PPM1E: variants seen among roughly 807,000 people sequenced by gnomAD.
PPM1E encodes the protein protein phosphatase 1E.
In PPM1E, 20 loss-of-function variants were observed where a neutral mutation model predicts 65.9. That is an observed-to-expected ratio of 0.30 (90% CI 0.21 to 0.44). The LOEUF (loss-of-function observed/expected upper bound fraction) is 0.44. Ranked by LOEUF, PPM1E falls within the 20% of genes least tolerant of loss-of-function variation. The pLI, the probability that PPM1E is intolerant of heterozygous loss-of-function variation, is 1.00. For synonymous variants in PPM1E, 352 were observed against 374.9 expected, an observed-to-expected ratio of 0.94 and a Z score of 0.70; for missense variants, 713 against 953.1, an observed-to-expected ratio of 0.75 and a Z score of 3.32.
At chr17:58,842,493 A>C (rs542298654) in intron 1 of PPM1E, among the ~76,000 whole-genome samples, 1 of 152,290 alleles carries the variant, frequency 6.6e-6, no homozygotes, top group Admixed American at 6.5e-5. Context: ...ATGCTACACT[A>C]TCTACTCAAT....
At chr17:58,938,733 A>G (rs970996314) in intron 1 of PPM1E, among the ~76,000 whole-genome samples, 10 of 152,074 alleles carry the variant, frequency 6.6e-5, no homozygotes, top group African/African-American at 2.4e-4. Flanking sequence ...TATCTAGAGC[A>G]TAAGAAATGA....
At chr17:58,860,086 G>A (rs1339455676) in intron 1 of PPM1E, among the ~76,000 whole-genome samples, 1 of 152,158 alleles carries the variant, frequency 6.6e-6, no homozygotes, top group African/African-American at 2.4e-5. Flanking sequence ...ATTGGTTAGG[G>A]TCTCTACATG....
At chr17:58,819,781 A>G (rs1444283833) in intron 1 of PPM1E, among the ~76,000 whole-genome samples, 1 of 152,098 alleles carries the variant, frequency 6.6e-6, no homozygotes, top group East Asian at 1.9e-4. Context: ...TCATACCTGT[A>G]ATCGCAGCAC....
intron 1 of PPM1E, among the ~76,000 whole-genome samples, chr17:58,763,150 A>T (rs1320220818): frequency 5.9e-5 from 9 of 152,118 alleles, no homozygotes; most frequent in Non-Finnish European, 1.3e-4. Context: ...AAGGCTTAAC[A>T]TAATGTTAGT....
intron 1 of PPM1E, among the ~76,000 whole-genome samples, chr17:58,886,226 A>G (rs1242886115): frequency 6.6e-6 from 1 of 152,222 alleles, no homozygotes; most frequent in African/African-American, 2.4e-5. Flanking sequence ...AGAGAAATAC[A>G]TATGCTTGAT....
At chr17:58,879,741 C>G (rs1299189482) in intron 1 of PPM1E, among the ~76,000 whole-genome samples, 1 of 151,986 alleles carries the variant, frequency 6.6e-6, no homozygotes, top group Non-Finnish European at 1.5e-5. Context: ...AATCTCCTGA[C>G]CTCGTGATCC....
chr17:58,827,911 A>AAAAAAATAAT (rs777546701), intron 1 of PPM1E, among the ~76,000 whole-genome samples: 1 of 144,686 alleles, frequency 6.9e-6, no homozygotes, highest in Non-Finnish European at 1.5e-5. Flanking sequence ...CAAAAAAAAA[A>AAAAAAATAAT]AATAATAATA....
intron 1 of PPM1E, among the ~76,000 whole-genome samples, chr17:58,896,149 C>T: frequency 6.6e-6 from 1 of 150,844 alleles, no homozygotes; most frequent in Non-Finnish European, 1.5e-5. Flanking sequence ...AAAAGCGAAA[C>T]AGCCTTATTG....
At chr17:58,832,176 A>G (rs563546802) in intron 1 of PPM1E, among the ~76,000 whole-genome samples, 22 of 152,282 alleles carry the variant, frequency 1.4e-4, no homozygotes, top group African/African-American at 5.3e-4. Context: ...TCTAGCGTAG[A>G]GATAACCTAG....
intron 1 of PPM1E, among the ~76,000 whole-genome samples, chr17:58,811,963 C>G (rs921127012): frequency 6.6e-6 from 1 of 152,076 alleles, no homozygotes; most frequent in Non-Finnish European, 1.5e-5. Context: ...GACACTGCTC[C>G]CGGCCAATTT....
intron 1 of PPM1E, among the ~76,000 whole-genome samples, chr17:58,945,316 T>G (rs1468716855): frequency 6.6e-6 from 1 of 152,192 alleles, no homozygotes; most frequent in Non-Finnish European, 1.5e-5. Context: ...CTAACTTATG[T>G]ATTTTTAGTA....
chr17:58,788,271 G>C (rs1409993009), intron 1 of PPM1E, among the ~76,000 whole-genome samples: 2 of 152,030 alleles, frequency 1.3e-5, no homozygotes, highest in Non-Finnish European at 2.9e-5. Flanking sequence ...GGCTGATCTC[G>C]TACTCTTGAC....
At chr17:58,853,137 C>T (rs1389535160) in intron 1 of PPM1E, among the ~76,000 whole-genome samples, 1 of 152,078 alleles carries the variant, frequency 6.6e-6, no homozygotes, top group East Asian at 1.9e-4. Flanking sequence ...GTTGTTGTTG[C>T]CTGTATCTTT....
chr17:58,906,954 T>G (rs1031576701), intron 1 of PPM1E, among the ~76,000 whole-genome samples: 10 of 152,214 alleles, frequency 6.6e-5, no homozygotes, highest in Admixed American at 4.6e-4. Flanking sequence ...AGTGAATTGT[T>G]GGCCAGGCCC....
intron 1 of PPM1E, among the ~76,000 whole-genome samples, chr17:58,866,649 CAG>C (rs1378803389): frequency 6.6e-6 from 1 of 152,208 alleles, no homozygotes; most frequent in East Asian, 1.9e-4. Context: ...CAGTCCTCAC[CAG>C]AGACTTTCAG....
intron 1 of PPM1E, among the ~76,000 whole-genome samples, chr17:58,841,126 A>G (rs1241796117): frequency 3.3e-5 from 5 of 152,230 alleles, no homozygotes; most frequent in East Asian, 3.8e-4. Flanking sequence ...GGACTCCACA[A>G]TGAGTTCATA....
At chr17:58,826,165 G>A (rs910533415) in intron 1 of PPM1E, among the ~76,000 whole-genome samples, 1 of 151,388 alleles carries the variant, frequency 6.6e-6, no homozygotes, top group Non-Finnish European at 1.5e-5. Flanking sequence ...GGTGGGCAGC[G>A]GGCACCTGTA....
intron 1 of PPM1E, among the ~76,000 whole-genome samples, chr17:58,891,615 G>A (rs371925551): frequency 2.6e-5 from 4 of 152,038 alleles, no homozygotes; most frequent in South Asian, 2.1e-4. Flanking sequence ...GAGCCAACGC[G>A]CCTGGCTGGA....
intron 1 of PPM1E, among the ~76,000 whole-genome samples, chr17:58,784,319 G>A (rs193125601): frequency 3.3e-5 from 5 of 151,260 alleles, no homozygotes; most frequent in African/African-American, 7.3e-5. Context: ...CACCACGTCC[G>A]GTCCTTGTAT....
Sources: gnomAD v4.1 joint callset for allele counts (sites outside exome capture counted in the v4.1 genomes callset) on GRCh38, gnomAD v4.1.1 for gene constraint, MANE v1.5 for transcripts, NCBI Gene and HGNC (gene_info 2026-07-23, HGNC 2026-07-21) for gene names.